Variants in KIF7 observed in about 807,000 individuals in gnomAD.
The protein encoded by KIF7 is kinesin-like protein KIF7.
Under a neutral mutation model 135.7 loss-of-function variants are expected in KIF7, and 104 were observed. That is an observed-to-expected ratio of 0.77 (90% CI 0.65 to 0.90). The LOEUF is 0.90. KIF7 is among the 40% of genes least tolerant of loss of function. The probability of loss-of-function intolerance (pLI) is 0.00; values close to 1 mark genes in which losing one functional copy is unlikely to be tolerated. For missense variants in KIF7, 2,005 were observed against 1,839.1 expected, an observed-to-expected ratio of 1.09 and a Z score of -1.65; for synonymous variants, 883 against 809.4, an observed-to-expected ratio of 1.09 and a Z score of -1.54.
At chr15:89,625,182 C>G, downstream of KIF7, 5 of 1,613,820 alleles carry the variant, frequency 3.1e-6, no homozygotes, top group Non-Finnish European at 4.2e-6. Flanking sequence ...ATGTGTCACC[C>G]CCCTGCCCCC....
At chr15:89,652,090 G>T (rs947189597) in intron 2 of KIF7, among the ~76,000 whole-genome samples, 61 of 152,180 alleles carry the variant, frequency 4.0e-4, no homozygotes, top group African/African-American at 1.4e-3. Flanking sequence ...GCAGTAACCC[G>T]ACAGAAAACA....
chr15:89,623,515 T>C, downstream of KIF7: 1 of 1,147,374 alleles, frequency 8.7e-7, no homozygotes, highest in Non-Finnish European at 1.2e-6. Context: ...TTTAGATCAT[T>C]CCTTTGGCTG....
chr15:89,656,659 C>T (rs1394492741), upstream of KIF7, among the ~76,000 whole-genome samples: 1 of 152,176 alleles, frequency 6.6e-6, no homozygotes, highest in Non-Finnish European at 1.5e-5. Flanking sequence ...ATTCGTGTAT[C>T]ACAAAGGACC....
At chr15:89,654,582 C>T (rs182427162) in intron 1 of KIF7, among the ~76,000 whole-genome samples, 1 of 152,280 alleles carries the variant, frequency 6.6e-6, no homozygotes, top group East Asian at 1.9e-4. Context: ...ACCACTCCAA[C>T]TGCAGGTTAC....
intron 2 of KIF7, among the ~76,000 whole-genome samples, chr15:89,651,890 G>C (rs780439732): frequency 1.3e-5 from 2 of 152,176 alleles, no homozygotes; most frequent in African/African-American, 2.4e-5. Flanking sequence ...AGAGAGCTGA[G>C]AGAGACCCCT....
rs539554255 is a variant in KIF7, at chr15:89,648,568, C to A, written c.1130G>T (p.Arg377Leu). ...GATGATGCGGGTCTCGGAGCGGTGC[C>A]GTGGCGGACCCCGCGCGCCGCTCGC... ...ETASGARGPP[R>L]HRSETRIIHR... Residue 377 changes from arginine to leucine, a missense_variant, in exon 5 of 19, where the codon CGG (arginine) becomes CTG (leucine). By Grantham distance (102) the Arg-to-Leu change is moderately radical. Coordinates refer to ENST00000394412, the MANE Select transcript of KIF7 (RefSeq NM_198525.3). 7 of 1,476,040 alleles carry A rather than the reference C, an allele frequency of 4.7e-6. No individual in the cohort carries two copies. The South Asian group carries it at 8.8e-5, about 19-fold the overall frequency. 91.4% of individuals were successfully genotyped at this position (1,476,040 alleles called of 1,614,324 possible). A position where few individuals can be genotyped will look rare whatever the true frequency, so the allele number is the denominator to read the frequency against.
intron 10 of KIF7, among the ~76,000 whole-genome samples, chr15:89,643,398 T>A (rs1963956255): frequency 6.6e-6 from 1 of 152,228 alleles, no homozygotes; most frequent in Admixed American, 6.5e-5. Context: ...GTAAATACTA[T>A]ACCACATTAT....
At chr15:89,630,527 C>T in intron 15 of KIF7, 34 bp from the exon 16 acceptor site, 1 of 1,502,552 alleles carries the variant, frequency 6.7e-7, no homozygotes, top group Non-Finnish European at 9.0e-7. Context: ...GGAACAGCAC[C>T]CACTGCCTGA....
intron 1 of KIF7, among the ~76,000 whole-genome samples, chr15:89,620,586 C>G (rs1963407251): frequency 1.3e-5 from 2 of 152,124 alleles, no homozygotes; most frequent in Non-Finnish European, 2.9e-5. Context: ...GGTTAATATG[C>G]CGTCTTACTA....
intron 11 of KIF7, among the ~76,000 whole-genome samples, chr15:89,641,214 T>C (rs1037803080): frequency 2.6e-5 from 4 of 151,738 alleles, no homozygotes; most frequent in African/African-American, 9.7e-5. Context: ...GAGGAAGAGA[T>C]ACCAGGGCTA....
intron 11 of KIF7, 127 bp from the exon 12 acceptor site, chr15:89,634,010 T>TTG: frequency 1.0e-6 from 1 of 983,982 alleles, no homozygotes; most frequent in Non-Finnish European, 1.6e-6. Context: ...CCAATAATAA[T>TTG]AACAGAGGCC....
At chr15:89,648,176 G>A in intron 5 of KIF7, 79 bp downstream of exon 5, 1 of 1,375,086 alleles carries the variant, frequency 7.3e-7, no homozygotes, top group Non-Finnish European at 9.4e-7. Context: ...GGGCGCAGCT[G>A]CTGTCTGAAG....
chr15:89,622,046 G>T (rs1316239513), intron 1 of KIF7, among the ~76,000 whole-genome samples: 3 of 145,672 alleles, frequency 2.1e-5, no homozygotes, highest in Non-Finnish European at 4.5e-5. Flanking sequence ...GAGTGCAGTG[G>T]CACGATCTCA....
At chr15:89,642,073 A>G in intron 11 of KIF7, 130 bp downstream of exon 11, 1 of 944,766 alleles carries the variant, frequency 1.1e-6, no homozygotes, top group South Asian at 1.6e-5. Context: ...CTCACCCTGC[A>G]GGGCCAGGGC....
rs1963589974 is a variant in KIF7 at position 89,628,646 on chromosome 15, C to T, written c.3805G>A (p.Val1269Ile). Residue 1269 changes from valine (V) to isoleucine (I), a missense_variant, in exon 19 of 19, where the codon GTC becomes ATC. By Grantham distance (29) the Val-to-Ile change is conservative (BLOSUM62 3). Transcript: ENST00000394412. ...CAGGTCAAGGGTAACGGAGCGTGGA[C>T]CAAGTCCCGCGTCTCCTCCCGGGTG... The part of the protein sequence containing the change: ...PRTREETRDL[V>I]HAPLPLTWKR... The T allele has an allele frequency of 6.2e-7, 1 of 1,613,212 alleles. No homozygotes were observed. The highest frequency in any genetic ancestry group is 8.5e-7 in the Non-Finnish European group (1 of 1,179,962).
At chr15:89,617,901 A>G (rs1482189536) in intron 2 of KIF7, 1 of 426,146 alleles carries the variant, frequency 2.3e-6, no homozygotes, top group Non-Finnish European at 4.3e-6. Flanking sequence ...CATATTGGCC[A>G]GACTGGTCTC....
intron 1 of KIF7, 63 bp from the exon 2 acceptor site, chr15:89,653,017 G>T (rs1357971596): frequency 1.5e-6 from 2 of 1,304,160 alleles, no homozygotes; most frequent in Non-Finnish European, 2.0e-6. Flanking sequence ...GACTCACCCT[G>T]CAGGGGACTC....
intron 11 of KIF7, among the ~76,000 whole-genome samples, chr15:89,635,516 A>G (rs1444823397): frequency 6.6e-6 from 1 of 152,256 alleles, no homozygotes; most frequent in Non-Finnish European, 1.5e-5. Flanking sequence ...AGGCTCGAGA[A>G]CTACGTGAAG....
intron 11 of KIF7, 132 bp downstream of exon 11, chr15:89,642,071 G>C: frequency 1.1e-6 from 1 of 936,170 alleles, no homozygotes. Context: ...GCCTCACCCT[G>C]CAGGGCCAGG....
Sources: allele counts gnomAD v4.1 joint callset (sites outside exome capture counted in the v4.1 genomes callset), GRCh38; gene constraint gnomAD v4.1.1; transcripts MANE v1.5; gene names NCBI Gene and HGNC (gene_info 2026-07-23, HGNC 2026-07-21).